OASL: variants seen among roughly 807,000 people sequenced by gnomAD.
OASL encodes 2'-5'-oligoadenylate synthase-like protein.
In OASL, 28 loss-of-function variants were observed where a neutral mutation model predicts 35.3. That is an observed-to-expected ratio of 0.79 (90% confidence interval 0.59 to 1.09). The LOEUF is 1.09. Ranked by LOEUF, OASL falls within the 50% of genes least tolerant of loss-of-function variation. OASL has a pLI of 0.00. For synonymous variants in OASL, 252 were observed against 254.6 expected (o/e 0.99, Z 0.10); for missense variants, 620 against 635.2 (o/e 0.98, Z 0.26).
intron 5 of OASL, among the ~76,000 whole-genome samples, chr12:121,022,764 TC>T (rs952304915): frequency 6.6e-6 from 1 of 151,964 alleles, no homozygotes; most frequent in Non-Finnish European, 1.5e-5. Context: ...TGTCTATATC[TC>T]CCCCCGGCCT....
chr12:121,039,174 G>T, exon 1 of OASL: 1 of 588,292 alleles, frequency 1.7e-6, no homozygotes, highest in Non-Finnish European at 3.0e-6. Context: ...GCTGCAGTAG[G>T]GGCACAGGAG....
At chr12:121,035,069 G>C (rs1205983692) in intron 1 of OASL, among the ~76,000 whole-genome samples, 2 of 151,932 alleles carry the variant, frequency 1.3e-5, no homozygotes, top group African/African-American at 4.8e-5. Flanking sequence ...ACCCCCAGAA[G>C]GCTACTTTTC....
exon 1 of OASL, chr12:121,038,986 T>A (rs754289456): frequency 3.7e-6 from 6 of 1,611,666 alleles, no homozygotes; most frequent in Non-Finnish European, 5.1e-6. Context: ...GTCCCGAGAG[T>A]ACCGCTGCTG....
At chr12:121,032,705 G>A (rs73419604) in intron 2 of OASL, among the ~76,000 whole-genome samples, 4,583 of 152,062 alleles carry the variant, frequency 0.03, 193 homozygotes, top group African/African-American at 0.096. Context: ...AATAAACTGC[G>A]TATCCTCACA....
downstream of OASL, chr12:121,019,076 G>A (rs1423380738): frequency 6.6e-6 from 1 of 152,018 alleles, no homozygotes; most frequent in Non-Finnish European, 1.5e-5. Context: ...CCAGTGTATG[G>A]TATTTTGTTT....
At chr12:121,029,012 C>T (rs1054332200) in intron 3 of OASL, among the ~76,000 whole-genome samples, 10 of 139,146 alleles carry the variant, frequency 7.2e-5, no homozygotes, top group South Asian at 2.3e-4. Context: ...TTGCAGTGAA[C>T]CAAGATCATG....
At chr12:121,034,476 C>T (rs575189857) in intron 1 of OASL, among the ~76,000 whole-genome samples, 1 of 152,282 alleles carries the variant, frequency 6.6e-6, no homozygotes, top group East Asian at 1.9e-4. Flanking sequence ...GAGACCCAGT[C>T]TTCTTACCCA....
rs183591291 is a variant in OASL at position 121,027,904 on chromosome 12, G to C, written c.658-87C>G. 13 of 1,164,634 alleles carry C rather than the reference G, an allele frequency of 1.1e-5. No individual in the cohort carries two copies. In the African/African-American group the frequency reaches 1.8e-4, roughly 16 times the overall value. The allele number at this position is 1,164,634 out of a possible 1,614,324, so 72.1% of individuals were successfully genotyped here. A position where few individuals can be genotyped will look rare whatever the true frequency, so the allele number is the denominator to read the frequency against. ...TTGGACCAGAAGCTGAGAAATCCAA[G>C]TTCTAGTCCTGGCTCTGCTGCCTAC... is the stretch of plus-strand genomic sequence containing the variant. On this transcript the variant is annotated intron_variant, in intron 3 of 5. Transcript: ENST00000257570.
exon 1 of OASL, chr12:121,039,177 C>T: frequency 1.7e-6 from 1 of 586,568 alleles, no homozygotes; most frequent in Non-Finnish European, 3.1e-6. Flanking sequence ...GCAGTAGGGG[C>T]ACAGGAGGAC....
exon 6 of OASL, chr12:121,020,783 A>G: frequency 6.2e-7 from 1 of 1,614,060 alleles, no homozygotes; most frequent in East Asian, 2.2e-5. Flanking sequence ...TCCCACCATC[A>G]GGATTCTTCA....
chr12:121,028,483 G>A (rs1565905384), intron 3 of OASL, among the ~76,000 whole-genome samples: 1 of 152,156 alleles, frequency 6.6e-6, no homozygotes, highest in South Asian at 2.1e-4. Context: ...GTGAATATGA[G>A]GGCAGGAATA....
intron 3 of OASL, among the ~76,000 whole-genome samples, chr12:121,028,786 C>T (rs190055187): frequency 6.4e-4 from 98 of 152,126 alleles, no homozygotes; most frequent in African/African-American, 2.0e-3. Flanking sequence ...TCACTGAGGC[C>T]GGGCGCAGTG....
At chr12:121,018,869 C>CAAAAA (rs1158102389), downstream of OASL, among the ~76,000 whole-genome samples, 32 of 55,230 alleles carry the variant, frequency 5.8e-4, no homozygotes, top group South Asian at 8.2e-4. Context: ...GACTCCATCT[C>CAAAAA]AAAAAAAAAA....
exon 6 of OASL, chr12:121,020,439 A>T (rs1869181217): frequency 1.9e-6 from 2 of 1,073,508 alleles, no homozygotes; most frequent in Non-Finnish European, 2.7e-6. Flanking sequence ...CTGGCCTGGG[A>T]TAACTCATTG....
intron 3 of OASL, 22 bp from the exon 4 acceptor site, chr12:121,027,839 C>CAG (rs148081048): frequency 2.6e-4 from 408 of 1,595,080 alleles, no homozygotes; most frequent in Non-Finnish European, 3.4e-4. Context: ...GATGGGAAGA[C>CAG]AGAGAGAGAG....
intron 2 of OASL, among the ~76,000 whole-genome samples, chr12:121,032,989 G>C: frequency 6.6e-6 from 1 of 151,854 alleles, no homozygotes; most frequent in African/African-American, 2.4e-5. Flanking sequence ...GCAATGGCGC[G>C]ATCTTGACTC....
exon 6 of OASL, chr12:121,019,803 T>C (rs570604348): frequency 6.6e-6 from 1 of 152,312 alleles, no homozygotes; most frequent in African/African-American, 2.4e-5. Flanking sequence ...AGGGATGCCG[T>C]GATTGAGGCT....
At chr12:121,018,869 C>CAAA (rs1158102389), downstream of OASL, among the ~76,000 whole-genome samples, 215 of 53,942 alleles carry the variant, frequency 4.0e-3, no homozygotes, top group Non-Finnish European at 4.5e-3. Context: ...GACTCCATCT[C>CAAA]AAAAAAAAAA....
At chr12:121,023,812 C>G in intron 5 of OASL, 178 bp downstream of exon 5, 1 of 592,544 alleles carries the variant, frequency 1.7e-6, no homozygotes. Context: ...AAACCCAAGG[C>G]TCTGAGAGCC....
Sources: gnomAD v4.1 joint callset for allele counts (sites outside exome capture counted in the v4.1 genomes callset) on GRCh38, gnomAD v4.1.1 for gene constraint, MANE v1.5 for transcripts, NCBI Gene and HGNC (gene_info 2026-07-23, HGNC 2026-07-21) for gene names.